Variants in FAM20A observed in about 807,000 individuals in gnomAD.
FAM20A encodes FAM20A golgi associated secretory pathway pseudokinase, also known as pseudokinase FAM20A.
Under a neutral mutation model 52.0 loss-of-function variants are expected in FAM20A, and 42 were observed. That is an observed-to-expected ratio of 0.81 (90% CI 0.63 to 1.04). The LOEUF (loss-of-function observed/expected upper bound fraction) is 1.04, where lower values mean the gene tolerates loss of function less well. Among genes scored for constraint, FAM20A ranks in the 50% least tolerant of loss-of-function variants. FAM20A has a pLI of 0.00. For missense variants in FAM20A, 742 were observed against 712.7 expected (o/e 1.04, Z -0.47); for synonymous variants, 304 against 298.9 (o/e 1.02, Z -0.18).
intron 1 of FAM20A, among the ~76,000 whole-genome samples, chr17:68,572,156 A>G (rs1431910184): frequency 2.0e-5 from 3 of 151,330 alleles, no homozygotes; most frequent in Non-Finnish European, 4.4e-5. Context: ...TCCTGGGCTC[A>G]AGCCATTCAC....
chr17:68,567,504 G>C, intron 1 of FAM20A, among the ~76,000 whole-genome samples: 1 of 151,954 alleles, frequency 6.6e-6, no homozygotes. Flanking sequence ...CTGGCCCTGG[G>C]CTTTGGGTTT....
intron 1 of FAM20A, among the ~76,000 whole-genome samples, chr17:68,584,641 T>A (rs546076624): frequency 6.6e-6 from 1 of 152,306 alleles, no homozygotes; most frequent in African/African-American, 2.4e-5. Context: ...AATGAGTAAA[T>A]AATACTTCTG....
chr17:68,553,236 C>T (rs1409355114), intron 3 of FAM20A, among the ~76,000 whole-genome samples: 1 of 152,110 alleles, frequency 6.6e-6, no homozygotes, highest in Admixed American at 6.6e-5. Context: ...GTGAGATGTG[C>T]CTTGCTTCCC....
rs1375124151 is a variant in FAM20A at position 68,537,984 on chromosome 17, TA to T, written c.1362-244del. ...GCCTGCATAGCCATTTGTGCTCTAA[TA>T]ATGGTGATGCTGGGCTATATGCATT... is the stretch of plus-strand genomic sequence containing the variant. On this transcript the variant is annotated intron_variant, in intron 10 of 10. Coordinates refer to ENST00000592554, the MANE Select transcript of FAM20A (RefSeq NM_017565.4). The surrounding 1 kb of genome is among the most constrained non-coding windows in gnomAD (Gnocchi z 4.2). 6.6e-6 allele frequency among the ~76,000 whole-genome samples: 1 copy of T among 152,174 alleles called. No individual in the cohort carries two copies. The highest frequency in any genetic ancestry group is 2.4e-5 in the African/African-American group (1 of 41,446).
At chr17:68,589,504 T>C (rs1039539264) in intron 1 of FAM20A, among the ~76,000 whole-genome samples, 2 of 152,166 alleles carry the variant, frequency 1.3e-5, no homozygotes, top group African/African-American at 2.4e-5. Flanking sequence ...GTCAAAGTCA[T>C]GGAAAGGAGT....
chr17:68,600,934 G>T lies in FAM20A; in HGVS notation c.-268C>A, dbSNP rs2088607938. 2.4e-6 allele frequency: 1 copy of T among 412,386 alleles called. No individual in the cohort carries two copies. The highest frequency in any genetic ancestry group is 4.2e-6 in the Non-Finnish European group (1 of 235,500). The allele number at this position is 412,386 out of a possible 1,614,324, so 25.5% of individuals were successfully genotyped here. ...GAGCCGAGGGAATGGGGTTCCCGGG[G>T]TGCCCGCTTCTTGCGCCTTTTCTCC... is the stretch of plus-strand genomic sequence containing the variant. On this transcript the variant is annotated 5_prime_UTR_variant, in exon 1 of 11. Transcript: ENST00000592554. This position sits in a 1 kb window ranked among gnomAD's most constrained non-coding sequence, Gnocchi z 6.2.
At chr17:68,584,347 C>CA (rs11471248) in intron 1 of FAM20A, among the ~76,000 whole-genome samples, 11 of 124,712 alleles carry the variant, frequency 8.8e-5, no homozygotes, top group Non-Finnish European at 1.6e-4. Context: ...CAAAACAAAA[C>CA]AAAAAAAAAA....
chr17:68,553,376 G>A (rs563513360), intron 3 of FAM20A, among the ~76,000 whole-genome samples: 32 of 152,270 alleles, frequency 2.1e-4, no homozygotes, highest in African/African-American at 7.7e-4. Flanking sequence ...TTTCTTAAGA[G>A]CAGTGTAAAA....
In FAM20A at chr17:68,542,761, A is replaced by T; in HGVS notation, c.861T>A (p.Asn287Lys). The T allele has an allele frequency of 6.2e-7, 1 of 1,614,132 alleles. No homozygotes were observed. The highest frequency in any genetic ancestry group is 8.5e-7 in the Non-Finnish European group (1 of 1,180,012). The change falls in exon 6 of 11, where the codon AAT (asparagine) becomes AAA (lysine). Residue 287 changes from asparagine to lysine, a missense_variant. Coordinates refer to ENST00000592554, the MANE Select transcript of FAM20A (RefSeq NM_017565.4). ...RVPPTVGRIV[N>K]VTKEILEVTK... ...TGACCTCTAGGATTTCCTTGGTGAC[A>T]TTTACTATCCTCCCCACTGTTGGCG...
chr17:68,572,973 T>C (rs1028393090), intron 1 of FAM20A, among the ~76,000 whole-genome samples: 4 of 152,196 alleles, frequency 2.6e-5, no homozygotes, highest in African/African-American at 9.7e-5. Context: ...TCCCAATTCC[T>C]TCTCATGTCA....
intron 1 of FAM20A, among the ~76,000 whole-genome samples, chr17:68,568,187 C>T (rs958649844): frequency 1.2e-4 from 18 of 151,878 alleles, no homozygotes; most frequent in South Asian, 2.1e-4. Context: ...ATAAAAGAAA[C>T]GGCTGGGCGC....
chr17:68,535,140 C>T lies in FAM20A; in HGVS notation c.*2337G>A. ...CTCAGAGTCAAGAGACTTTTTATTT[C>T]ATGGGAGGTAAACAGTTCAAAATGA... On this transcript the variant is annotated 3_prime_UTR_variant, in exon 11 of 11. Coordinates refer to ENST00000592554, the MANE Select transcript of FAM20A (RefSeq NM_017565.4). The T allele has an allele frequency of 8.0e-6, 3 of 373,566 alleles. No individual in the cohort carries two copies. The highest frequency in any genetic ancestry group is 1.6e-5 in the Non-Finnish European group (3 of 192,130). The allele number at this position is 373,566 out of a possible 1,614,324, so 23.1% of individuals were successfully genotyped here.
intron 1 of FAM20A, among the ~76,000 whole-genome samples, chr17:68,561,933 C>T (rs913507026): frequency 1.3e-5 from 2 of 152,174 alleles, no homozygotes; most frequent in African/African-American, 4.8e-5. Flanking sequence ...AGCAATTCTC[C>T]TGCCTCAGCC....
At chr17:68,567,275 T>C (rs1185779763) in intron 1 of FAM20A, among the ~76,000 whole-genome samples, 1 of 152,004 alleles carries the variant, frequency 6.6e-6, no homozygotes, top group African/African-American at 2.4e-5. Flanking sequence ...GGCAAAGCTG[T>C]GTTCTAATGC....
chr17:68,572,017 T>TATATATATA (rs2087571502), intron 1 of FAM20A, among the ~76,000 whole-genome samples: 1 of 117,100 alleles, frequency 8.5e-6, no homozygotes, highest in African/African-American at 3.4e-5. Flanking sequence ...TATATATATA[T>TATATATATA]ATATATATAT....
rs796800181 is a variant in FAM20A at position 68,565,383 on chromosome 17, CTTTTTTTTTTTTTTT to C, written c.405-9655_405-9641del. 3.3e-3 allele frequency among the ~76,000 whole-genome samples: 345 copies of C among 103,804 alleles called. 1 individual carries two copies. Among genetic ancestry groups the C allele is most frequent in the African/African-American group, 0.015 (336 of 22,994 alleles). The allele number at this position is 103,804 out of a possible 152,430, so 68.1% of individuals were successfully genotyped here. ...CCTGGAGTTTAACCTCCATTACCTC[CTTTTTTTTTTTTTTT>C]TTTTTTTTTTTTTGAGATGGAGTCT... On this transcript the variant is annotated intron_variant, in intron 1 of 10. Transcript: ENST00000592554.
intron 1 of FAM20A, among the ~76,000 whole-genome samples, chr17:68,576,396 A>G (rs940572650): frequency 3.3e-5 from 5 of 152,198 alleles, no homozygotes; most frequent in African/African-American, 1.2e-4. Flanking sequence ...TGGCAGGCAC[A>G]GTGCAGTGAT....
intron 1 of FAM20A, among the ~76,000 whole-genome samples, chr17:68,598,688 G>C (rs942766712): frequency 6.6e-6 from 1 of 152,182 alleles, no homozygotes; most frequent in East Asian, 1.9e-4. Flanking sequence ...AGTTTGGTGA[G>C]AAAGATTTTT....
intron 4 of FAM20A, among the ~76,000 whole-genome samples, chr17:68,550,009 A>G (rs1349558425): frequency 6.6e-6 from 1 of 152,216 alleles, no homozygotes; most frequent in Non-Finnish European, 1.5e-5. Context: ...GGACAGATAC[A>G]TTAACCTGGA....
Sources: allele counts gnomAD v4.1 joint callset (sites outside exome capture counted in the v4.1 genomes callset), GRCh38; gene constraint gnomAD v4.1.1; non-coding constraint Gnocchi (gnomAD v3.1); transcripts MANE v1.5; gene names NCBI Gene and HGNC (gene_info 2026-07-23, HGNC 2026-07-21).